Variants in SEMA4F observed in about 807,000 individuals in gnomAD.
SEMA4F encodes semaphorin-4F.
In SEMA4F, 51 loss-of-function variants were observed where a neutral mutation model predicts 78.4. That is an observed-to-expected ratio of 0.65 (90% CI 0.52 to 0.82). SEMA4F has a LOEUF of 0.82. SEMA4F is among the 40% of genes least tolerant of loss of function. The pLI, the probability that SEMA4F is intolerant of heterozygous loss-of-function variation, is 0.00. For synonymous variants in SEMA4F, 418 were observed against 408.7 expected, an observed-to-expected ratio of 1.02 and a Z score of -0.27; for missense variants, 938 against 1,014.4, an observed-to-expected ratio of 0.92 and a Z score of 1.02.
intron 8 of SEMA4F, 98 bp from the exon 9 acceptor site, chr2:74,674,790 C>T: frequency 6.4e-7 from 1 of 1,551,994 alleles, no homozygotes; most frequent in Non-Finnish European, 8.7e-7. Flanking sequence ...GGCTGCATGG[C>T]TCCCTGTGCG....
At chr2:74,689,410 G>A in the SEMA4F span, among the ~76,000 whole-genome samples, 2 of 152,310 alleles carry the variant, frequency 1.3e-5, no homozygotes, top group Non-Finnish European at 2.9e-5. Flanking sequence ...TGTTGGAAAT[G>A]AAATTAGTAC....
At chr2:74,674,464 C>T in intron 7 of SEMA4F, 34 bp from the exon 8 acceptor site, 1 of 1,577,266 alleles carries the variant, frequency 6.3e-7, no homozygotes, top group Non-Finnish European at 8.6e-7. Flanking sequence ...TGATGATCAT[C>T]TAAAGAGAAC....
chr2:74,655,642 T>C (rs764073375), intron 1 of SEMA4F, among the ~76,000 whole-genome samples: 1 of 152,146 alleles, frequency 6.6e-6, no homozygotes, highest in Non-Finnish European at 1.5e-5. Flanking sequence ...TAAGTTGAGA[T>C]TGCCAGGCTG....
chr2:74,704,739 C>A, the SEMA4F span, among the ~76,000 whole-genome samples: 191 of 152,188 alleles, frequency 1.3e-3, 1 homozygote, highest in East Asian at 0.033. Flanking sequence ...TGCTCCCAGC[C>A]CTAGCAGAAC....
intron 4 of SEMA4F, among the ~76,000 whole-genome samples, chr2:74,660,451 T>C (rs1395207290): frequency 1.3e-5 from 2 of 152,266 alleles, no homozygotes; most frequent in Non-Finnish European, 2.9e-5. Flanking sequence ...CTTAAACTCC[T>C]CTTGGCCAAG....
chr2:74,660,936 A>T (rs1268883357), intron 4 of SEMA4F, among the ~76,000 whole-genome samples: 1 of 152,204 alleles, frequency 6.6e-6, no homozygotes, highest in Admixed American at 6.5e-5. Context: ...AATGAATGAG[A>T]TCTTTGAAGC....
Position 74,674,851 on chromosome 2 carries a change from C to T in SEMA4F, c.1002-37C>T, listed in dbSNP as rs1367598060. Reference sequence around the variant, plus strand: ...AAGGGATGAGTTGCTATCCCCCAGACCCCTCCATATATCCAGCTCCAACCT... The same window carrying T: ...AAGGGATGAGTTGCTATCCCCCAGATCCCTCCATATATCCAGCTCCAACCT... On this transcript the variant is annotated intron_variant, in intron 8 of 13. Transcript: ENST00000357877. 16 of 1,608,390 alleles carry T rather than the reference C, an allele frequency of 9.9e-6. 1 individual carries two copies. The highest frequency in any genetic ancestry group is 6.7e-5 in the Admixed American group (4 of 59,782).
At chr2:74,702,539 G>T in the SEMA4F span, among the ~76,000 whole-genome samples, 3 of 152,122 alleles carry the variant, frequency 2.0e-5, no homozygotes, top group East Asian at 3.9e-4. Context: ...TCAAAAGGCT[G>T]ATCTCATCTA....
At chr2:74,686,808 A>G (rs1685832061), downstream of SEMA4F, among the ~76,000 whole-genome samples, 1 of 151,828 alleles carries the variant, frequency 6.6e-6, no homozygotes, top group South Asian at 2.1e-4. Context: ...GTTCTCACTC[A>G]TAAATGGGAG....
chr2:74,668,929 CAAAAAA>C (rs1308342967), intron 5 of SEMA4F, among the ~76,000 whole-genome samples: 1 of 55,662 alleles, frequency 1.8e-5, no homozygotes, highest in African/African-American at 6.9e-5. Context: ...CAAGCGTGGC[CAAAAAA>C]AAAAAAAAAA....
intron 9 of SEMA4F, 34 bp downstream of exon 9, chr2:74,675,069 TCAAGAGCTGCTATTAAGG>T (rs746171617): frequency 1.2e-6 from 2 of 1,613,694 alleles, no homozygotes; most frequent in Non-Finnish European, 1.7e-6. Flanking sequence ...AGGCCTGAAG[TCAAGAGCTGCTATTAAGG>T]CAAGAGCCCC....
At chr2:74,659,035 G>A (rs1206884136) in intron 4 of SEMA4F, among the ~76,000 whole-genome samples, 1 of 152,158 alleles carries the variant, frequency 6.6e-6, no homozygotes, top group East Asian at 1.9e-4. Context: ...GGGCTGCCTT[G>A]GGGTGGGTTG....
chr2:74,674,475 C>A, intron 7 of SEMA4F, 23 bp from the exon 8 acceptor site: 2 of 1,590,956 alleles, frequency 1.3e-6, no homozygotes, highest in Non-Finnish European at 1.7e-6. Flanking sequence ...TAAAGAGAAC[C>A]TCCCATGTGT....
chr2:74,666,793 T>A (rs1684718475), intron 5 of SEMA4F, among the ~76,000 whole-genome samples: 1 of 152,142 alleles, frequency 6.6e-6, no homozygotes, highest in Admixed American at 6.5e-5. Context: ...TCCTTAAAGA[T>A]AATAGCAGTA....
At chr2:74,673,305 T>TA (rs901493505) in intron 5 of SEMA4F, 152 bp from the exon 6 acceptor site, 23 of 871,524 alleles carry the variant, frequency 2.6e-5, no homozygotes, top group Non-Finnish European at 3.8e-5. Flanking sequence ...TTAATTGCAA[T>TA]AATGCCTGTG....
At chr2:74,686,928 A>C (rs1685835122), downstream of SEMA4F, among the ~76,000 whole-genome samples, 1 of 152,146 alleles carries the variant, frequency 6.6e-6, no homozygotes, top group Non-Finnish European at 1.5e-5. Context: ...CCTAATGTAA[A>C]AATGATGAGT....
chr2:74,665,298 C>T (rs913759161), intron 5 of SEMA4F, among the ~76,000 whole-genome samples: 1 of 149,178 alleles, frequency 6.7e-6, no homozygotes, highest in Non-Finnish European at 1.5e-5. Flanking sequence ...GGCGCAATCT[C>T]CACTCACTGC....
chr2:74,692,053 C>A, the SEMA4F span, among the ~76,000 whole-genome samples: 1 of 152,108 alleles, frequency 6.6e-6, no homozygotes, highest in Non-Finnish European at 1.5e-5. Flanking sequence ...GGGTGTGGGG[C>A]AAGTACCAGG....
chr2:74,694,509 A>G, the SEMA4F span, among the ~76,000 whole-genome samples: 2 of 152,188 alleles, frequency 1.3e-5, no homozygotes, highest in Non-Finnish European at 2.9e-5. Context: ...CTCCACAGCC[A>G]TATCCTCTTT....
Sources: allele counts gnomAD v4.1 joint callset (sites outside exome capture counted in the v4.1 genomes callset), GRCh38; gene constraint gnomAD v4.1.1; transcripts MANE v1.5; gene names NCBI Gene and HGNC (gene_info 2026-07-23, HGNC 2026-07-21).